Variants in DACH2 observed in about 807,000 individuals in gnomAD.
The protein encoded by DACH2 is dachshund family transcription factor 2, also known as dachshund homolog 2.
Under a neutral mutation model 35.8 loss-of-function variants are expected in DACH2, and 17 were observed. That is an observed-to-expected ratio of 0.48 (90% CI 0.33 to 0.71). DACH2 has a LOEUF of 0.71. Among genes scored for constraint, DACH2 ranks in the 30% least tolerant of loss-of-function variants. DACH2 has a pLI of 0.02. For missense variants in DACH2, 469 were observed against 472.7 expected, an observed-to-expected ratio of 0.99 and a Z score of 0.07; for synonymous variants, 195 against 177.3, an observed-to-expected ratio of 1.10 and a Z score of -0.79.
intron 2 of DACH2, among the ~76,000 whole-genome samples, chrX:86,410,141 C>G (rs1386787378): frequency 8.9e-6 from 1 of 112,081 alleles, no homozygotes; most frequent in Non-Finnish European, 1.9e-5. Context: ...CCGTTAATAG[C>G]AAAAGACAGT....
intron 4 of DACH2, among the ~76,000 whole-genome samples, chrX:86,653,348 G>A (rs1452333240): frequency 9.0e-6 from 1 of 111,453 alleles, no homozygotes; most frequent in Non-Finnish European, 1.9e-5. Context: ...AATATAATTC[G>A]AAGGCAGGTA....
intron 5 of DACH2, among the ~76,000 whole-genome samples, chrX:86,707,698 C>T (rs983820841): frequency 7.3e-5 from 8 of 109,244 alleles, no homozygotes; most frequent in South Asian, 3.9e-4. Flanking sequence ...CGGTGGATCA[C>T]GAGGTGAAGA....
chrX:86,206,149 G>A lies in DACH2; in HGVS notation c.488+57041G>A, dbSNP rs141125216. ...CCAAACCCTGATCAGTCCCTTGCTAGGAAGTTGTCCCTGATGAACTACACT... is the reference window on the plus strand; with the variant it reads ...CCAAACCCTGATCAGTCCCTTGCTAAGAAGTTGTCCCTGATGAACTACACT... On this transcript the variant is annotated intron_variant, in intron 1 of 11. Transcript: ENST00000373125. Among the ~76,000 whole-genome samples the A allele has an allele frequency of 2.7e-3, 298 of 111,190 alleles. 4 individuals are homozygous for A. The East Asian group carries it at 0.053, about 20-fold the overall frequency.
intron 5 of DACH2, among the ~76,000 whole-genome samples, chrX:86,705,807 C>A (rs2041209377): frequency 8.9e-6 from 1 of 111,741 alleles, no homozygotes; most frequent in African/African-American, 3.3e-5. Context: ...CTTACCACAG[C>A]ACAATTCACA....
chrX:86,553,722 G>A (rs1354019431), intron 3 of DACH2, among the ~76,000 whole-genome samples: 2 of 111,784 alleles, frequency 1.8e-5, no homozygotes. Context: ...GAATTCGATA[G>A]GGCTCATTTC....
At chrX:86,425,393 T>C (rs2036875870) in intron 2 of DACH2, among the ~76,000 whole-genome samples, 1 of 110,626 alleles carries the variant, frequency 9.0e-6, no homozygotes, top group African/African-American at 3.3e-5. Context: ...GATTTCTTCC[T>C]GGCTCGATCT....
At chrX:86,514,195 T>G (rs2038433992) in intron 2 of DACH2, 84 bp from the exon 3 acceptor site, 5 of 876,918 alleles carry the variant, frequency 5.7e-6, no homozygotes, top group Non-Finnish European at 6.5e-6. Flanking sequence ...TAAACAAGAT[T>G]TAAAAGGTAA....
intron 4 of DACH2, among the ~76,000 whole-genome samples, chrX:86,677,966 G>C (rs1219327954): frequency 8.9e-6 from 1 of 112,328 alleles, no homozygotes; most frequent in Non-Finnish European, 1.9e-5. Context: ...GAGGGAGTCA[G>C]GGTAAACAGC....
At chrX:86,616,713 T>A (rs6524676) in intron 3 of DACH2, among the ~76,000 whole-genome samples, 7,993 of 111,895 alleles carry the variant, frequency 0.071, 233 homozygotes, top group East Asian at 0.14. Context: ...TTCTATAGGA[T>A]GCCTGTTTAC....
intron 2 of DACH2, among the ~76,000 whole-genome samples, chrX:86,472,916 A>AT (rs1278767806): frequency 8.1e-5 from 9 of 111,258 alleles, no homozygotes; most frequent in Admixed American, 1.9e-4. Flanking sequence ...GCAAATTAAA[A>AT]TTTTTTTTCT....
At chrX:86,725,263 C>T (rs925976799) in intron 6 of DACH2, among the ~76,000 whole-genome samples, 3 of 110,844 alleles carry the variant, frequency 2.7e-5, no homozygotes, top group Non-Finnish European at 5.7e-5. Flanking sequence ...TTTCATGTTT[C>T]CTGGTGTAAC....
intron 1 of DACH2, among the ~76,000 whole-genome samples, chrX:86,206,310 T>C (rs2032311257): frequency 1.8e-5 from 2 of 111,665 alleles, no homozygotes; most frequent in African/African-American, 3.3e-5. Context: ...GGTTTACTTG[T>C]TTTACAAATC....
intron 5 of DACH2, among the ~76,000 whole-genome samples, chrX:86,705,228 C>T (rs942611885): frequency 1.8e-5 from 2 of 109,164 alleles, no homozygotes; most frequent in Non-Finnish European, 3.8e-5. Context: ...CACTCATAAG[C>T]GAGAGGTAAG....
intron 1 of DACH2, among the ~76,000 whole-genome samples, chrX:86,289,027 A>G (rs1225945315): frequency 9.1e-6 from 1 of 110,450 alleles, no homozygotes; most frequent in Non-Finnish European, 1.9e-5. Context: ...TCAGTGTCTC[A>G]CAGCCCTTGA....
chrX:86,365,711 G>T (rs772659807), intron 1 of DACH2, among the ~76,000 whole-genome samples: 2 of 111,265 alleles, frequency 1.8e-5, no homozygotes, highest in Admixed American at 9.6e-5. Flanking sequence ...TCGCCCCAAA[G>T]ACTTTTAAAC....
At chrX:86,402,693 T>C (rs1310189356) in intron 2 of DACH2, among the ~76,000 whole-genome samples, 1 of 111,455 alleles carries the variant, frequency 9.0e-6, no homozygotes, top group Admixed American at 9.6e-5. Context: ...ACAATTCATA[T>C]AGAACCAAAT....
At chrX:86,596,585 T>C (rs768960174) in intron 3 of DACH2, among the ~76,000 whole-genome samples, 35 of 111,683 alleles carry the variant, frequency 3.1e-4, no homozygotes, top group Non-Finnish European at 4.3e-4. Flanking sequence ...TTTGTCTTTT[T>C]TTAAGTTATT....
intron 11 of DACH2, among the ~76,000 whole-genome samples, chrX:86,820,627 A>T (rs1025702520): frequency 9.0e-6 from 1 of 111,473 alleles, no homozygotes; most frequent in Admixed American, 9.6e-5. Flanking sequence ...CTGCAAAAGC[A>T]GCAAATATCA....
At chrX:86,564,447 A>T (rs2039268034) in intron 3 of DACH2, among the ~76,000 whole-genome samples, 1 of 102,583 alleles carries the variant, frequency 9.7e-6, no homozygotes, top group South Asian at 3.9e-4. Flanking sequence ...TTTAATCTAG[A>T]CCTAATAACA....
Sources: gnomAD v4.1 joint callset for allele counts (sites outside exome capture counted in the v4.1 genomes callset) on GRCh38, gnomAD v4.1.1 for gene constraint, MANE v1.5 for transcripts, NCBI Gene and HGNC (gene_info 2026-07-23, HGNC 2026-07-21) for gene names.